The following CGA variants were observed in gnomAD, a reference collection of about 807,000 sequenced individuals.
The protein encoded by CGA is glycoprotein hormones alpha chain.
In CGA, 4 loss-of-function variants were observed where a neutral mutation model predicts 12.0. The ratio of observed to expected loss-of-function variants is 0.33; its 90% CI spans 0.16 to 0.76. The LOEUF (loss-of-function observed/expected upper bound fraction) is 0.76. Ranked by LOEUF, CGA falls within the 30% of genes least tolerant of loss-of-function variation. The pLI is 0.60. For missense variants in CGA, 102 were observed against 143.5 expected, an observed-to-expected ratio of 0.71 and a Z score of 1.48; for synonymous variants, 60 against 56.6, an observed-to-expected ratio of 1.06 and a Z score of -0.27.
intron 1 of CGA, among the ~76,000 whole-genome samples, chr6:87,090,139 A>G (rs7738290): frequency 0.21 from 31,218 of 152,138 alleles, 3,282 homozygotes; most frequent in African/African-American, 0.23. Context: ...TTTATATGTA[A>G]GTAATTTTGA....
rs755232607 is a variant in CGA, at chr6:87,086,254, T to C, written c.269A>G (p.Asn90Ser). The part of the protein sequence containing the change: ...ESTCCVAKSY[N>S]RVTVMGGFKV... ...TGGGGATCTTGAGGTTCTTACCCTG[T>C]TATATGATTTAGCTACACAGCAAGT... The change falls in exon 3 of 4, where the codon AAC (asparagine) becomes AGC (serine). Residue 90 changes from asparagine to serine, a missense_variant. Physicochemically the swap from Asn to Ser is conservative, Grantham distance 46. Coordinates refer to ENST00000627148, the MANE Select transcript of CGA (RefSeq NM_000735.4). 1.9e-6 allele frequency: 3 copies of C among 1,610,542 alleles called. No homozygotes were observed. The highest frequency in any genetic ancestry group is 2.7e-5 in the African/African-American group (2 of 74,638).
intron 1 of CGA, among the ~76,000 whole-genome samples, chr6:87,091,284 A>G (rs547565497): frequency 2.0e-5 from 3 of 152,260 alleles, no homozygotes; most frequent in Non-Finnish European, 4.4e-5. Flanking sequence ...AGAAACTATT[A>G]CCTTTCTTTG....
chr6:87,087,045 C>T (rs1312631312), intron 2 of CGA, among the ~76,000 whole-genome samples: 2 of 152,308 alleles, frequency 1.3e-5, no homozygotes, highest in African/African-American at 4.8e-5. Flanking sequence ...CACGATTGCA[C>T]TCCAGCCTGG....
intron 2 of CGA, 48 bp from the exon 3 acceptor site, chr6:87,086,482 A>T: frequency 6.5e-7 from 1 of 1,546,432 alleles, no homozygotes; most frequent in Non-Finnish European, 8.7e-7. Context: ...AAAAGACTCA[A>T]AAAGAATCTA....
In CGA at chr6:87,088,152, C is replaced by T; in HGVS notation, c.49G>A (p.Val17Met). 1 of 1,597,662 alleles carries T rather than the reference C, an allele frequency of 6.3e-7. No homozygotes were observed. The highest frequency in any genetic ancestry group is 1.1e-5 in the South Asian group (1 of 89,366). Residue 17 changes from valine (V) to methionine (M), a missense_variant, in exon 2 of 4, where the codon GTG becomes ATG. Transcript: ENST00000627148. ...YAAIFLVTLS[V>M]FLHVLHSAPD... ...GCGGAATGGAGAACATGCAGAAACA[C>T]CGACAATGTGACCAGAAAGATAGCT...
chr6:87,086,505 A>C, intron 2 of CGA, 71 bp from the exon 3 acceptor site: 1 of 1,445,756 alleles, frequency 6.9e-7, no homozygotes, highest in Non-Finnish European at 9.4e-7. Flanking sequence ...AGGCCAGCAC[A>C]GTAGCTCACG....
At chr6:87,087,905 A>G (rs993624656) in intron 2 of CGA, 8 of 359,732 alleles carry the variant, frequency 2.2e-5, no homozygotes, top group Non-Finnish European at 3.0e-5. Context: ...TGCTGCATAA[A>G]TGGTTGTGTA....
Position 87,086,440 on chromosome 6 carries a change from A to AG in CGA, c.89-7dup, listed in dbSNP as rs769854205. ...TAGCGTGCATTCTGGGCAATCTATC[A>AG]GGGAAAAAAAAAGGCAGAGTAAAAT... On this transcript the variant is annotated splice_polypyrimidine_tract_variant and splice_region_variant and intron_variant, in intron 2 of 3. Coordinates refer to ENST00000627148, the MANE Select transcript of CGA (RefSeq NM_000735.4). 6.3e-6 allele frequency: 10 copies of AG among 1,577,624 alleles called. No individual in the cohort carries two copies. Among genetic ancestry groups the AG allele is most frequent in the African/African-American group, 5.7e-5 (4 of 70,242 alleles).
intron 1 of CGA, 149 bp from the exon 2 acceptor site, chr6:87,088,356 A>G: frequency 2.4e-6 from 1 of 409,198 alleles, no homozygotes; most frequent in Non-Finnish European, 4.3e-6. Flanking sequence ...CCCAACATAT[A>G]CTAAAACCAT....
At chr6:87,087,961 T>A (rs1005123053) in intron 2 of CGA, 152 bp downstream of exon 2, 3 of 419,170 alleles carry the variant, frequency 7.2e-6, no homozygotes, top group Non-Finnish European at 1.3e-5. Flanking sequence ...TTTAATTTTA[T>A]GTTCACAATC....
At chr6:87,091,198 C>A (rs769075622) in intron 1 of CGA, among the ~76,000 whole-genome samples, 4 of 152,016 alleles carry the variant, frequency 2.6e-5, no homozygotes, top group Non-Finnish European at 4.4e-5. Flanking sequence ...GAAGTCAATG[C>A]GCATTTTAGA....
At chr6:87,086,519 G>T in intron 2 of CGA, 85 bp from the exon 3 acceptor site, 1 of 1,309,260 alleles carries the variant, frequency 7.6e-7, no homozygotes, top group Non-Finnish European at 1.1e-6. Context: ...GCTCACGCCT[G>T]TAATCCTAGC....
intron 1 of CGA, chr6:87,088,741 C>T (rs1419267654): frequency 1.3e-5 from 2 of 152,040 alleles, no homozygotes; most frequent in Admixed American, 1.3e-4. Flanking sequence ...AAAAATAACA[C>T]CAAATACTGG....
chr6:87,085,862 A>T (rs1422296011), intron 3 of CGA, 29 bp from the exon 4 acceptor site: 11 of 1,414,014 alleles, frequency 7.8e-6, no homozygotes, highest in Non-Finnish European at 1.1e-5. Context: ...AAAACATATT[A>T]TAGATTAGAT....
intron 2 of CGA, 135 bp from the exon 3 acceptor site, chr6:87,086,569 G>C (rs757850570): frequency 4.1e-6 from 3 of 730,048 alleles, no homozygotes; most frequent in Non-Finnish European, 6.7e-6. Flanking sequence ...TTGAGCTCAG[G>C]AGTTTGAGAG....
At chr6:87,089,167 A>C (rs950792354) in intron 1 of CGA, 2 of 152,200 alleles carry the variant, frequency 1.3e-5, no homozygotes, top group African/African-American at 4.8e-5. Flanking sequence ...TTTATATAAC[A>C]CTGTGGAAAT....
intron 2 of CGA, among the ~76,000 whole-genome samples, chr6:87,087,353 C>T (rs1769342237): frequency 6.6e-6 from 1 of 152,070 alleles, no homozygotes; most frequent in South Asian, 2.1e-4. Context: ...ATTCTCTATC[C>T]CAATGCTAAC....
intron 1 of CGA, among the ~76,000 whole-genome samples, chr6:87,088,672 A>C (rs1463725013): frequency 6.6e-6 from 1 of 152,154 alleles, no homozygotes; most frequent in Non-Finnish European, 1.5e-5. Context: ...TCAGCCATTA[A>C]GGAAATGCAA....
At chr6:87,094,666 A>G (rs941752551) in intron 1 of CGA, among the ~76,000 whole-genome samples, 5 of 152,232 alleles carry the variant, frequency 3.3e-5, no homozygotes, top group African/African-American at 1.2e-4. Flanking sequence ...AAACAATATC[A>G]TAATGTCTAC....
Sources: gnomAD v4.1 joint callset for allele counts (sites outside exome capture counted in the v4.1 genomes callset) on GRCh38, gnomAD v4.1.1 for gene constraint, MANE v1.5 for transcripts, NCBI Gene and HGNC (gene_info 2026-07-23, HGNC 2026-07-21) for gene names.